The following MCM5 variants were observed in gnomAD, a reference collection of about 807,000 sequenced individuals.
MCM5 encodes the protein DNA replication licensing factor MCM5.
Under a neutral mutation model 79.9 loss-of-function variants are expected in MCM5, and 46 were observed. That is an observed-to-expected ratio of 0.58 (90% CI 0.45 to 0.74). The LOEUF (loss-of-function observed/expected upper bound fraction) is 0.74, where lower values mean the gene tolerates loss of function less well. Ranked by LOEUF, MCM5 falls within the 30% of genes least tolerant of loss-of-function variation. The pLI is 0.00. For synonymous variants in MCM5, 404 were observed against 390.5 expected, an observed-to-expected ratio of 1.03 and a Z score of -0.41; for missense variants, 883 against 1,017.0, an observed-to-expected ratio of 0.87 and a Z score of 1.79.
chr22:35,417,369 C>T (rs1016925307), intron 12 of MCM5, among the ~76,000 whole-genome samples: 5 of 152,128 alleles, frequency 3.3e-5, no homozygotes, highest in Non-Finnish European at 5.9e-5. Flanking sequence ...GAGGAGGCCC[C>T]GTCTTTTCCA....
At chr22:35,407,809 C>A (rs1215442780) in intron 5 of MCM5, among the ~76,000 whole-genome samples, 1 of 152,178 alleles carries the variant, frequency 6.6e-6, no homozygotes, top group African/African-American at 2.4e-5. Context: ...TGATTGTTTG[C>A]TTGTATGTCT....
intron 11 of MCM5, 92 bp downstream of exon 11, chr22:35,416,496 GCCCAGGCCTAGAATC>G: frequency 7.0e-7 from 1 of 1,425,518 alleles, no homozygotes; most frequent in South Asian, 1.2e-5. Context: ...AGTTCTCTTT[GCCCAGGCCTAGAATC>G]TGTGTGTGTG....
chr22:35,404,154 A>G (rs376988889), intron 4 of MCM5, among the ~76,000 whole-genome samples: 26 of 151,768 alleles, frequency 1.7e-4, no homozygotes, highest in African/African-American at 6.3e-4. Context: ...TTTATCCCGA[A>G]AAAAAAAAGT....
At chr22:35,400,339 G>A in intron 1 of MCM5, 92 bp from the exon 2 acceptor site, 3 of 1,462,094 alleles carry the variant, frequency 2.1e-6, no homozygotes, top group East Asian at 4.5e-5. Context: ...GGGTCCCCCT[G>A]CTCCGGACTC....
chr22:35,448,704 T>A, the MCM5 span, among the ~76,000 whole-genome samples: 1 of 152,132 alleles, frequency 6.6e-6, no homozygotes, highest in African/African-American at 2.4e-5. Flanking sequence ...TCTATTATCA[T>A]AATAATGCCA....
chr22:35,423,087 G>A (rs900722844), intron 15 of MCM5, 127 bp from the exon 16 acceptor site: 8 of 1,013,362 alleles, frequency 7.9e-6, no homozygotes, highest in African/African-American at 4.9e-5. Flanking sequence ...TGGCACACTC[G>A]GTGCCCTTTT....
intron 8 of MCM5, among the ~76,000 whole-genome samples, chr22:35,412,993 A>G (rs931168359): frequency 4.6e-5 from 7 of 151,550 alleles, no homozygotes; most frequent in African/African-American, 1.7e-4. Flanking sequence ...GGTCAGTAGC[A>G]GGGATATTAT....
chr22:35,423,297 T>C lies in MCM5; in HGVS notation c.2059T>C (p.Ser687Pro). The C allele has an allele frequency of 6.2e-7, 1 of 1,608,990 alleles. No individual in the cohort carries two copies. The highest frequency in any genetic ancestry group is 1.1e-5 in the South Asian group (1 of 90,356). ...KQLKRRFAIG[S>P]QVSEHSIIKD... ...GCTCAAGCGCCGCTTTGCCATTGGC[T>C]CCCAGGTGTCTGAGCACAGCATCAT... The change falls in exon 16 of 17, where the codon TCC (serine) becomes CCC (proline). Residue 687 changes from serine to proline, a missense_variant. By Grantham distance (74) the Ser-to-Pro change is moderately conservative. Around this residue, in one of 3 missense-constraint regions of MCM5, gnomAD observed 426 missense variants for 482.3 expected, o/e 0.88. Coordinates refer to ENST00000216122, the MANE Select transcript of MCM5 (RefSeq NM_006739.4).
At chr22:35,443,936 T>C in the MCM5 span, among the ~76,000 whole-genome samples, 1 of 152,156 alleles carries the variant, frequency 6.6e-6, no homozygotes, top group Non-Finnish European at 1.5e-5. Flanking sequence ...GGGTCTGTGA[T>C]CTTGGGCAAT....
At chr22:35,421,556 G>A in intron 15 of MCM5, 96 bp downstream of exon 15, 3 of 1,548,498 alleles carry the variant, frequency 1.9e-6, no homozygotes, top group Non-Finnish European at 2.7e-6. Context: ...CCTGCAGTGT[G>A]TGTCTTGCTT....
chr22:35,453,754 CAGACAG>C, the MCM5 span, among the ~76,000 whole-genome samples: 6 of 142,240 alleles, frequency 4.2e-5, no homozygotes, highest in African/African-American at 1.6e-4. Flanking sequence ...CAGAGACAGA[CAGACAG>C]AGAGGGACAA....
At chr22:35,438,635 A>ATATTCATCCATCCATCCACCCACC in the MCM5 span, among the ~76,000 whole-genome samples, 2 of 112,868 alleles carry the variant, frequency 1.8e-5, no homozygotes, top group Non-Finnish European at 3.7e-5. Flanking sequence ...ATCCACCCAC[A>ATATTCATCCATCCATCCACCCACC]TATTCATCCA....
the MCM5 span, among the ~76,000 whole-genome samples, chr22:35,448,112 C>T: frequency 3.9e-5 from 6 of 152,218 alleles, no homozygotes; most frequent in Non-Finnish European, 8.8e-5. Context: ...GAAAATGAGA[C>T]CGGAAACAAG....
intron 5 of MCM5, among the ~76,000 whole-genome samples, chr22:35,407,881 T>C (rs139625056): frequency 1.3e-5 from 2 of 152,376 alleles, no homozygotes; most frequent in African/African-American, 4.8e-5. Context: ...TGTTCAGTGC[T>C]GTGCCCCCTG....
At chr22:35,451,626 G>T in the MCM5 span, among the ~76,000 whole-genome samples, 3 of 152,338 alleles carry the variant, frequency 2.0e-5, no homozygotes, top group East Asian at 5.8e-4. Context: ...CAGGGGTTGG[G>T]TTTCTCTCAG....
chr22:35,438,602 C>CCACCCACCCACCTATTCATCCATCCAT, the MCM5 span, among the ~76,000 whole-genome samples: 8 of 57,074 alleles, frequency 1.4e-4, no homozygotes, highest in Non-Finnish European at 1.2e-4. Context: ...CATGCATCCA[C>CCACCCACCCACCTATTCATCCATCCAT]CCACCCACAT....
chr22:35,446,609 A>C, the MCM5 span, among the ~76,000 whole-genome samples: 1 of 152,106 alleles, frequency 6.6e-6, no homozygotes, highest in Admixed American at 6.5e-5. Context: ...GCACTACGGC[A>C]TGTGGAGGGG....
In MCM5 at chr22:35,416,803, G is replaced by A. The variant is rs1207146919; in HGVS notation, c.1579G>A (p.Glu527Lys). The change falls in exon 12 of 17, where the codon GAG becomes AAG. Residue 527 changes from glutamate to lysine, a missense_variant. By Grantham distance (56) the Glu-to-Lys change is moderately conservative. Transcript: ENST00000216122. ...IFIVKDEHNE[E>K]RDVMLAKHVI... is the part of the protein sequence containing the mutation. Reference sequence around the variant, plus strand: ...CATCGTCAAGGATGAGCACAATGAGGAGAGGGATGTGGTACGTCCAGGGGC... The same window carrying A: ...CATCGTCAAGGATGAGCACAATGAGAAGAGGGATGTGGTACGTCCAGGGGC... 1 of 1,613,918 alleles carries A rather than the reference G, an allele frequency of 6.2e-7. No individual in the cohort carries two copies. The highest frequency in any genetic ancestry group is 8.5e-7 in the Non-Finnish European group (1 of 1,180,018).
chr22:35,439,409 ACC>A, the MCM5 span, among the ~76,000 whole-genome samples: 5 of 25,776 alleles, frequency 1.9e-4, no homozygotes, highest in Non-Finnish European at 2.4e-4. Context: ...CCACCCACCC[ACC>A]CACATATTCA....
Sources: allele counts gnomAD v4.1 joint callset (sites outside exome capture counted in the v4.1 genomes callset), GRCh38; gene constraint gnomAD v4.1.1; regional missense constraint gnomAD v4.1.1; transcripts MANE v1.5; gene names NCBI Gene and HGNC (gene_info 2026-07-23, HGNC 2026-07-21).